HDGFL3: variants seen among roughly 807,000 people sequenced by gnomAD.
HDGFL3 encodes HDGF like 3.
HDGFL3 carries 6 observed loss-of-function variants against 27.6 expected under a neutral mutation model. The ratio of observed to expected loss-of-function variants is 0.22; its 90% CI spans 0.12 to 0.43. The LOEUF is 0.43. HDGFL3 is among the 20% of genes least tolerant of loss of function. The probability of loss-of-function intolerance (pLI) is 1.00; values close to 1 mark genes in which losing one functional copy is unlikely to be tolerated. For synonymous variants in HDGFL3, 88 were observed against 88.9 expected (o/e 0.99, Z 0.05); for missense variants, 207 against 250.1 (o/e 0.83, Z 1.16).
At chr15:83,162,789 G>A (rs1428324546) in intron 2 of HDGFL3, among the ~76,000 whole-genome samples, 2 of 152,170 alleles carry the variant, frequency 1.3e-5, no homozygotes, top group African/African-American at 2.4e-5. Context: ...CTCTACTAAC[G>A]TTCAAATGAA....
rs1464504960 is a variant in HDGFL3, at chr15:83,170,798, G to C, written c.85-6723C>G. On this transcript the variant is annotated intron_variant, in intron 1 of 5. Coordinates refer to ENST00000299633, the MANE Select transcript of HDGFL3 (RefSeq NM_016073.4). The stretch of plus-strand genomic sequence containing the variant: ...CAAACTGACAACCTACATTGAATGG[G>C]AGAATATATCTGCAAACTATGCATC... Among the ~76,000 whole-genome samples the C allele has an allele frequency of 7.4e-5, 11 of 148,954 alleles. No individual in the cohort carries two copies. The Admixed American group carries it at 7.4e-4, about 10-fold the overall frequency.
intron 3 of HDGFL3, chr15:83,119,540 C>T (rs1567140588): frequency 6.2e-7 from 1 of 1,608,634 alleles, no homozygotes; most frequent in African/African-American, 1.3e-5. Flanking sequence ...ATTTACAGGT[C>T]TTATTTAAAG....
intron 4 of HDGFL3, among the ~76,000 whole-genome samples, chr15:83,156,030 G>T (rs1030608246): frequency 6.6e-6 from 1 of 152,028 alleles, no homozygotes; most frequent in Non-Finnish European, 1.5e-5. Context: ...TTCAAGTATT[G>T]TTAGATTTGG....
downstream of HDGFL3, chr15:83,126,897 A>T (rs2035804417): frequency 3.4e-6 from 5 of 1,476,942 alleles, no homozygotes; most frequent in Admixed American, 1.8e-5. Context: ...TTTTCTTTTT[A>T]AAAAATGGGT....
At chr15:83,177,082 T>C (rs2037321981) in intron 1 of HDGFL3, among the ~76,000 whole-genome samples, 1 of 152,172 alleles carries the variant, frequency 6.6e-6, no homozygotes, top group Admixed American at 6.5e-5. Context: ...TATGCCTGGC[T>C]AATTTTTTGT....
intron 3 of HDGFL3, among the ~76,000 whole-genome samples, chr15:83,121,688 A>T (rs2035259695): frequency 6.6e-6 from 1 of 152,256 alleles, no homozygotes; most frequent in Admixed American, 6.5e-5. Flanking sequence ...CAGAAGACAT[A>T]GCAGGCGTAA....
intron 1 of HDGFL3, chr15:83,169,340 G>A (rs1029982476): frequency 6.6e-5 from 20 of 302,306 alleles, no homozygotes; most frequent in Admixed American, 2.0e-4. Flanking sequence ...GCGTGAACCC[G>A]GGAGGCGGAG....
At chr15:83,183,091 T>G (rs74028251) in intron 1 of HDGFL3, among the ~76,000 whole-genome samples, 1 of 152,188 alleles carries the variant, frequency 6.6e-6, no homozygotes, top group Non-Finnish European at 1.5e-5. Flanking sequence ...TCTCTTAAAA[T>G]GTAAAGTCAA....
At chr15:83,168,858 CA>C (rs1467894954) in intron 1 of HDGFL3, among the ~76,000 whole-genome samples, 1 of 152,112 alleles carries the variant, frequency 6.6e-6, no homozygotes, top group Non-Finnish European at 1.5e-5. Context: ...CTGATGAAAG[CA>C]GATGCAAAAT....
chr15:83,204,444 A>G (rs1341106596), intron 1 of HDGFL3, among the ~76,000 whole-genome samples: 2 of 152,208 alleles, frequency 1.3e-5, no homozygotes, highest in Non-Finnish European at 2.9e-5. Context: ...ATGCATTAAA[A>G]TAAGAGGAAC....
Position 83,157,908 on chromosome 15 carries a change from A to G in HDGFL3, c.295T>C (p.Tyr99His). The part of the protein sequence containing the change: ...ENNPGVKFTG[Y>H]QAIQQQSSSE... Reference sequence around the variant, plus strand: ...ACAAGGAAGTAAACCATTACCTGGTAGCCAGTAAACTTTACTCCTGGGTTA... The same window carrying G: ...ACAAGGAAGTAAACCATTACCTGGTGGCCAGTAAACTTTACTCCTGGGTTA... Residue 99 changes from tyrosine (Y) to histidine (H), a missense_variant, in exon 3 of 6, where the codon TAC (tyrosine) becomes CAC (histidine). Transcript: ENST00000299633. 6.2e-7 allele frequency: 1 copy of G among 1,611,226 alleles called. No individual in the cohort carries two copies. The highest frequency in any genetic ancestry group is 8.5e-7 in the Non-Finnish European group (1 of 1,179,038).
At chr15:83,165,375 GT>G (rs530003959) in intron 1 of HDGFL3, among the ~76,000 whole-genome samples, 145 of 152,302 alleles carry the variant, frequency 9.5e-4, no homozygotes, top group Non-Finnish European at 1.2e-3. Flanking sequence ...CAGAGTTGCT[GT>G]GAGCAAATGA....
intron 1 of HDGFL3, among the ~76,000 whole-genome samples, chr15:83,186,783 T>A (rs1028516061): frequency 1.3e-5 from 2 of 152,114 alleles, no homozygotes; most frequent in Admixed American, 1.3e-4. Flanking sequence ...CTGGGTACAA[T>A]GCATACTCAG....
At chr15:83,151,116 T>C in intron 5 of HDGFL3, 99 bp downstream of exon 5, 1 of 1,104,272 alleles carries the variant, frequency 9.1e-7, no homozygotes, top group Non-Finnish European at 1.3e-6. Flanking sequence ...ACTTCTCCAT[T>C]TATCAACACA....
intron 1 of HDGFL3, among the ~76,000 whole-genome samples, chr15:83,165,348 TAC>T (rs2037156306): frequency 6.6e-6 from 1 of 152,208 alleles, no homozygotes; most frequent in Non-Finnish European, 1.5e-5. Context: ...CACATATAAC[TAC>T]AGACACTCAG....
chr15:83,143,143 G>A (rs909828086), intron 5 of HDGFL3, among the ~76,000 whole-genome samples: 3 of 152,052 alleles, frequency 2.0e-5, no homozygotes, highest in Non-Finnish European at 4.4e-5. Context: ...TTCCTGAGTA[G>A]CTGGGATTAC....
intron 1 of HDGFL3, among the ~76,000 whole-genome samples, chr15:83,172,938 T>G (rs2037264428): frequency 6.6e-6 from 1 of 151,016 alleles, no homozygotes; most frequent in Admixed American, 6.6e-5. Flanking sequence ...GGAGGAGGAG[T>G]AAAAGAAGGG....
At chr15:83,156,302 A>G (rs1233966295) in intron 4 of HDGFL3, among the ~76,000 whole-genome samples, 2 of 152,052 alleles carry the variant, frequency 1.3e-5, no homozygotes, top group African/African-American at 4.8e-5. Flanking sequence ...AAAATAGGGG[A>G]CCTATTTTAG....
chr15:83,198,054 C>CAAAAAAAAAAAAAAAAAAAAAAAAAA (rs766372255), intron 1 of HDGFL3, among the ~76,000 whole-genome samples: 5 of 57,602 alleles, frequency 8.7e-5, no homozygotes, highest in African/African-American at 2.9e-4. Flanking sequence ...GACTCCGTCT[C>CAAAAAAAAAAAAAAAAAAAAAAAAAA]AAAAAAAAAA....
Sources: allele counts gnomAD v4.1 joint callset (sites outside exome capture counted in the v4.1 genomes callset), GRCh38; gene constraint gnomAD v4.1.1; transcripts MANE v1.5; gene names NCBI Gene and HGNC (gene_info 2026-07-23, HGNC 2026-07-21).